The following COL5A1 variants were observed in gnomAD, a reference collection of about 807,000 sequenced individuals.
COL5A1 encodes collagen type V alpha 1 chain.
COL5A1 carries 16 observed loss-of-function variants against 263.7 expected under a neutral mutation model. The ratio of observed to expected loss-of-function variants is 0.06; its 90% confidence interval spans 0.04 to 0.09. The LOEUF (loss-of-function observed/expected upper bound fraction) is 0.09. COL5A1 is among the 10% of genes least tolerant of loss of function. The pLI is 1.00. For synonymous variants in COL5A1, 1,012 were observed against 1,004.5 expected (o/e 1.01, Z -0.14); for missense variants, 2,036 against 2,540.5 (o/e 0.80, Z 4.27).
chr9:134,793,693 C>T (rs1001357308), intron 32 of COL5A1, among the ~76,000 whole-genome samples: 2 of 152,144 alleles, frequency 1.3e-5, no homozygotes, highest in Admixed American at 6.5e-5. Flanking sequence ...CGGGCTCATT[C>T]GCACCTAAAT....
chr9:134,745,407 C>T (rs1835474316), intron 11 of COL5A1, among the ~76,000 whole-genome samples: 1 of 152,176 alleles, frequency 6.6e-6, no homozygotes, highest in African/African-American at 2.4e-5. Flanking sequence ...TCATCACGGT[C>T]AGTTAGTGGC....
rs146134402 is a variant in COL5A1 at position 134,677,070 on chromosome 9, G to C, written c.110-13842G>C. The stretch of plus-strand genomic sequence containing the variant: ...CCATGGAGTGCTCTGGTTGTGGTTT[G>C]CTGGGGAGACACAGAAGAGGCAGGG... On this transcript the variant is annotated intron_variant, in intron 1 of 65. Coordinates refer to ENST00000371817, the MANE Select transcript of COL5A1 (RefSeq NM_000093.5). This position sits in a 1 kb window ranked among gnomAD's most constrained non-coding sequence, Gnocchi z 4.4. 5.7e-3 allele frequency among the ~76,000 whole-genome samples: 869 copies of C among 152,308 alleles called. 8 individuals are homozygous for C. The highest frequency in any genetic ancestry group is 0.02 in the African/African-American group (825 of 41,558).
chr9:134,818,573 C>G lies in COL5A1; in HGVS notation c.4231-83C>G. 9.7e-7 allele frequency: 1 copy of G among 1,032,032 alleles called. No individual in the cohort carries two copies. Among genetic ancestry groups the G allele is most frequent in the Non-Finnish European group, 1.5e-6 (1 of 674,912 alleles). 63.9% of individuals were successfully genotyped at this position (1,032,032 alleles called of 1,614,324 possible). ...CACCTGGGACTCCTCCAGAGGTGCCCAGGGTTTCCGAGCAGTGGTCCTGGG... is the reference window on the plus strand; with the variant it reads ...CACCTGGGACTCCTCCAGAGGTGCCGAGGGTTTCCGAGCAGTGGTCCTGGG... On this transcript the variant is annotated intron_variant, in intron 54 of 65. Transcript: ENST00000371817. The surrounding 1 kb of genome is among the most constrained non-coding windows in gnomAD (Gnocchi z 6.0).
chr9:134,753,113 T>C (rs893722608), intron 14 of COL5A1, among the ~76,000 whole-genome samples: 36 of 129,892 alleles, frequency 2.8e-4, no homozygotes, highest in Non-Finnish European at 5.6e-4. Context: ...TCGCACAGGC[T>C]GTGACTGCCT....
intron 38 of COL5A1, 55 bp from the exon 39 acceptor site, chr9:134,802,833 C>A: frequency 7.7e-7 from 1 of 1,297,144 alleles, no homozygotes; most frequent in South Asian, 1.2e-5. Flanking sequence ...AAGAGATTCT[C>A]ACTCCCTTGC....
intron 63 of COL5A1, 35 bp downstream of exon 63, chr9:134,825,939 G>T (rs542067183): frequency 1.4e-6 from 2 of 1,449,928 alleles, no homozygotes; most frequent in South Asian, 1.1e-5. Flanking sequence ...CCCCAGCGGG[G>T]CAGGCGTCAC....
Position 134,681,506 on chromosome 9 carries a change from T to C in COL5A1, c.110-9406T>C, listed in dbSNP as rs1357695056. On this transcript the variant is annotated intron_variant, in intron 1 of 65. Coordinates refer to ENST00000371817, the MANE Select transcript of COL5A1 (RefSeq NM_000093.5). The surrounding 1 kb of genome is among the most constrained non-coding windows in gnomAD (Gnocchi z 4.3). ...GATGGGGCCACGGGTGGGACCGGAA[T>C]GGAGGCTGCCAGCTGTGTCTGGAGA... Among the ~76,000 whole-genome samples, 1 of 152,160 alleles carries C rather than the reference T, an allele frequency of 6.6e-6. No individual in the cohort carries two copies. The highest frequency in any genetic ancestry group is 1.9e-4 in the East Asian group (1 of 5,190).
rs1832899360 is a variant in COL5A1 at position 134,682,752 on chromosome 9, T to G, written c.110-8160T>G. Among the ~76,000 whole-genome samples, 1 of 152,042 alleles carries G rather than the reference T, an allele frequency of 6.6e-6. No individual in the cohort carries two copies. Among genetic ancestry groups the G allele is most frequent in the South Asian group, 2.1e-4 (1 of 4,816 alleles). ...CGAGTGACCAGGTGGAATCTGCTGG[T>G]GTGTTGTGGTTCTGGGGCCAGGGGA... On this transcript the variant is annotated intron_variant, in intron 1 of 65. Transcript: ENST00000371817. The surrounding 1 kb of genome is among the most constrained non-coding windows in gnomAD (Gnocchi z 5.1).
intron 11 of COL5A1, among the ~76,000 whole-genome samples, chr9:134,750,058 G>A (rs11103493): frequency 0.018 from 2,780 of 152,296 alleles, 48 homozygotes; most frequent in African/African-American, 0.042. Context: ...GCTCCATCCC[G>A]TCTTCCATCT....
chr9:134,833,354 C>T (rs1248077768), intron 64 of COL5A1, among the ~76,000 whole-genome samples: 1 of 152,220 alleles, frequency 6.6e-6, no homozygotes, highest in Non-Finnish European at 1.5e-5. Flanking sequence ...GTCCTGGATA[C>T]CCAGCTAGTG....
intron 18 of COL5A1, among the ~76,000 whole-genome samples, chr9:134,760,462 C>A (rs1836334584): frequency 8.3e-6 from 1 of 120,868 alleles, no homozygotes; most frequent in South Asian, 2.9e-4. Context: ...CACCCACACA[C>A]CCCCACATTC....
intron 4 of COL5A1, among the ~76,000 whole-genome samples, chr9:134,724,315 T>C (rs1455990283): frequency 1.3e-5 from 2 of 152,240 alleles, no homozygotes; most frequent in African/African-American, 2.4e-5. Flanking sequence ...GCTGCCGTTT[T>C]ATGCTAATTT....
rs767721484 is a variant in COL5A1, at chr9:134,766,509, GGGGTCCC to G, written c.2133+13_2133+19del. ...CCAAAAGGAAATGTGGTAAGTCCCT[GGGGTCCC>G]GTGGCCTGGCTTCAGGGGCACTTTC... On this transcript the variant is annotated intron_variant, in intron 22 of 65. Transcript: ENST00000371817. The G allele has an allele frequency of 1.9e-6, 3 of 1,613,930 alleles. No individual in the cohort carries two copies. The South Asian group carries it at 3.3e-5, about 18-fold the overall frequency.
At chr9:134,735,082 G>A (rs570454135) in intron 9 of COL5A1, among the ~76,000 whole-genome samples, 6 of 152,002 alleles carry the variant, frequency 3.9e-5, no homozygotes, top group Admixed American at 2.0e-4. Context: ...GTGTGGTGGT[G>A]GGCACTTGTA....
intron 4 of COL5A1, among the ~76,000 whole-genome samples, chr9:134,701,780 A>AC (rs1364465869): frequency 6.6e-6 from 1 of 152,010 alleles, no homozygotes; most frequent in Admixed American, 6.5e-5. Context: ...ACCTGTGCCG[A>AC]CCCAACTCGG....
At chr9:134,694,418 C>T (rs1352817597) in intron 2 of COL5A1, among the ~76,000 whole-genome samples, 1 of 152,232 alleles carries the variant, frequency 6.6e-6, no homozygotes, top group Non-Finnish European at 1.5e-5. Flanking sequence ...GGAGACACAG[C>T]CATGAATAGA....
Position 134,755,179 on chromosome 9 carries a change from G to T in COL5A1, c.1827+853G>T, listed in dbSNP as rs1300647429. Among the ~76,000 whole-genome samples, 3 of 152,176 alleles carry T rather than the reference G, an allele frequency of 2.0e-5. No individual in the cohort carries two copies. The highest frequency in any genetic ancestry group is 7.2e-5 in the African/African-American group (3 of 41,438). ...TGGGCATGAAACAGAGGCCTGGGCT[G>T]GATAATTCCAGGAGGATTAGCAGCT... On this transcript the variant is annotated intron_variant, in intron 16 of 65. Coordinates refer to ENST00000371817, the MANE Select transcript of COL5A1 (RefSeq NM_000093.5). The surrounding 1 kb of genome is among the most constrained non-coding windows in gnomAD (Gnocchi z 4.1).
At chr9:134,646,174 G>C (rs541022892) in intron 1 of COL5A1, among the ~76,000 whole-genome samples, 21 of 152,194 alleles carry the variant, frequency 1.4e-4, no homozygotes, top group Non-Finnish European at 2.4e-4. Flanking sequence ...ATCTTGGGGA[G>C]ACCGAGGCAA....
At chr9:134,648,427 TA>T (rs1377164104) in intron 1 of COL5A1, among the ~76,000 whole-genome samples, 7 of 151,948 alleles carry the variant, frequency 4.6e-5, no homozygotes, top group Non-Finnish European at 1.0e-4. Context: ...GGACATGGCA[TA>T]GGGACCAGGG....
Sources: gnomAD v4.1 joint callset for allele counts (sites outside exome capture counted in the v4.1 genomes callset) on GRCh38, gnomAD v4.1.1 for gene constraint, Gnocchi (gnomAD v3.1) non-coding constraint, MANE v1.5 for transcripts, NCBI Gene and HGNC (gene_info 2026-07-23, HGNC 2026-07-21) for gene names.